ILDR2: variants seen among roughly 807,000 people sequenced by gnomAD.
The protein encoded by ILDR2 is immunoglobulin-like domain-containing receptor 2.
Under a neutral mutation model 66.8 loss-of-function variants are expected in ILDR2, and 25 were observed. The observed-to-expected ratio is 0.37, with a 90% CI of 0.27 to 0.52. The LOEUF is 0.52. Ranked by LOEUF, ILDR2 falls within the 20% of genes least tolerant of loss-of-function variation. The pLI is 0.88. For synonymous variants in ILDR2, 367 were observed against 357.2 expected (o/e 1.03, Z -0.31); for missense variants, 827 against 876.8 (o/e 0.94, Z 0.72).
chr1:166,945,281 G>C (rs1046140806), intron 3 of ILDR2, among the ~76,000 whole-genome samples: 4 of 152,046 alleles, frequency 2.6e-5, no homozygotes, highest in African/African-American at 4.8e-5. Flanking sequence ...ACACCAAAAA[G>C]TTGAATAGAC....
intron 7 of ILDR2, among the ~76,000 whole-genome samples, chr1:166,923,472 C>T (rs559038719): frequency 6.6e-6 from 1 of 152,366 alleles, no homozygotes; most frequent in African/African-American, 2.4e-5. Flanking sequence ...GCTCAAGTAG[C>T]ACCAAGCCTA....
intron 1 of ILDR2, among the ~76,000 whole-genome samples, chr1:166,974,177 C>T (rs1180560238): frequency 6.6e-6 from 1 of 152,160 alleles, no homozygotes; most frequent in African/African-American, 2.4e-5. Flanking sequence ...GCCTTCCACC[C>T]CCATCCTGTC....
rs376701845 is a variant in ILDR2, at chr1:166,901,536, C to G, written n.172-5435G>C. Among the ~76,000 whole-genome samples the G allele has an allele frequency of 6.3e-4, 96 of 152,280 alleles. 2 individuals are homozygous for G. The East Asian group carries it at 0.012, about 19-fold the overall frequency. On this transcript the variant is annotated intron_variant and non_coding_transcript_variant, in intron 2 of 2. Coordinates refer to the ILDR2 transcript ENST00000414590. ...CTCCTCTTCCCTCCCTCATCCTGAA[C>G]CAAGGCTCCTTTTGCCCTCAATGGC... is the stretch of plus-strand genomic sequence containing the variant.
At chr1:166,901,891 G>T (rs1659271408) in intron 2 of ILDR2, among the ~76,000 whole-genome samples, 1 of 152,196 alleles carries the variant, frequency 6.6e-6, no homozygotes, top group Non-Finnish European at 1.5e-5. Context: ...CCTCCTTGGT[G>T]CCAGAGAGAT....
exon 3 of ILDR2, chr1:166,896,078 G>A (rs976937244): frequency 3.9e-5 from 6 of 152,156 alleles, no homozygotes; most frequent in African/African-American, 1.4e-4. Context: ...GGGAGGTGAG[G>A]GTAGCTTCTG....
At chr1:166,963,983 A>T (rs1276471543) in intron 1 of ILDR2, among the ~76,000 whole-genome samples, 1 of 152,170 alleles carries the variant, frequency 6.6e-6, no homozygotes, top group Non-Finnish European at 1.5e-5. Flanking sequence ...TGCAGAAAGA[A>T]CCTGTGCTTC....
chr1:166,896,341 G>T (rs749403069), intron 2 of ILDR2, among the ~76,000 whole-genome samples: 2 of 152,082 alleles, frequency 1.3e-5, no homozygotes, highest in Non-Finnish European at 1.5e-5. Flanking sequence ...GTATGGGATG[G>T]CAGGAGATGG....
At chr1:166,926,834 T>C (rs527577580) in intron 7 of ILDR2, among the ~76,000 whole-genome samples, 184 of 152,088 alleles carry the variant, frequency 1.2e-3, no homozygotes, top group Admixed American at 2.2e-3. Context: ...GACTGCCCCA[T>C]GGAGAAAACC....
chr1:166,942,036 A>G (rs1387376325), intron 3 of ILDR2, among the ~76,000 whole-genome samples: 1 of 152,210 alleles, frequency 6.6e-6, no homozygotes, highest in Non-Finnish European at 1.5e-5. Context: ...TGATTACTAC[A>G]GGCAAATTAC....
chr1:166,896,261 C>T (rs1422692000), intron 2 of ILDR2, among the ~76,000 whole-genome samples: 1 of 152,100 alleles, frequency 6.6e-6, no homozygotes, highest in Non-Finnish European at 1.5e-5. Context: ...ATAGAATGGT[C>T]TATTTGGAGG....
At chr1:166,973,441 C>T (rs1330083392) in intron 1 of ILDR2, among the ~76,000 whole-genome samples, 1 of 152,144 alleles carries the variant, frequency 6.6e-6, no homozygotes, top group African/African-American at 2.4e-5. Context: ...GGCTGAACTA[C>T]AGTTCCTGTA....
chr1:166,935,198 T>C, intron 6 of ILDR2, 103 bp downstream of exon 6: 1 of 1,158,776 alleles, frequency 8.6e-7, no homozygotes, highest in Non-Finnish European at 1.3e-6. Context: ...CAGAGAAAAC[T>C]ATTTTCCAAA....
At chr1:166,943,678 C>T (rs1571159238) in intron 3 of ILDR2, 1 of 251,272 alleles carries the variant, frequency 4.0e-6, no homozygotes, top group East Asian at 1.8e-4. Context: ...GTTAGAAATG[C>T]TTTATCTTTT....
chr1:166,967,640 C>G (rs1272266578), intron 1 of ILDR2, among the ~76,000 whole-genome samples: 1 of 152,070 alleles, frequency 6.6e-6, no homozygotes, highest in Non-Finnish European at 1.5e-5. Flanking sequence ...GCCTGTAGTC[C>G]CAGCTTCTTG....
intron 2 of ILDR2, 128 bp from the exon 3 acceptor site, chr1:166,956,980 G>T (rs1027432224): frequency 1.1e-6 from 1 of 925,570 alleles, no homozygotes; most frequent in Non-Finnish European, 1.6e-6. Context: ...TTATCTGGAT[G>T]GTGGTTGAAA....
intron 2 of ILDR2, among the ~76,000 whole-genome samples, chr1:166,901,731 C>A (rs923210407): frequency 6.6e-6 from 1 of 152,218 alleles, no homozygotes; most frequent in Non-Finnish European, 1.5e-5. Context: ...TATTTTTCTG[C>A]CTTCTTCCCT....
chr1:166,959,010 C>A (rs1426007143), intron 1 of ILDR2, among the ~76,000 whole-genome samples: 1 of 152,224 alleles, frequency 6.6e-6, no homozygotes, highest in African/African-American at 2.4e-5. Context: ...TCTTGAAACA[C>A]CTCTCTTTGA....
chr1:166,932,020 T>C (rs1311713420), intron 6 of ILDR2, among the ~76,000 whole-genome samples: 2 of 152,072 alleles, frequency 1.3e-5, no homozygotes, highest in African/African-American at 4.8e-5. Context: ...TAGATGATGA[T>C]TGAAGCCACA....
rs1210414337 is a variant in ILDR2, at chr1:166,922,871, G to T, written c.995-62C>A. 6.3e-6 allele frequency: 9 copies of T among 1,422,690 alleles called. No homozygotes were observed. The South Asian group carries it at 8.0e-5, about 13-fold the overall frequency. 88.1% of individuals were successfully genotyped at this position (1,422,690 alleles called of 1,614,324 possible). A position where few individuals can be genotyped will look rare whatever the true frequency, so the allele number is the denominator to read the frequency against. On this transcript the variant is annotated intron_variant, in intron 7 of 9. Coordinates refer to ENST00000271417, the MANE Select transcript of ILDR2 (RefSeq NM_199351.3). The stretch of plus-strand genomic sequence containing the variant: ...TGTTACTCTGTTTTAGACAGGAAGA[G>T]AATCCTGTTAAGGGCTGAGACCCTA...
Sources: allele counts gnomAD v4.1 joint callset (sites outside exome capture counted in the v4.1 genomes callset), GRCh38; gene constraint gnomAD v4.1.1; transcripts MANE v1.5; gene names NCBI Gene and HGNC (gene_info 2026-07-23, HGNC 2026-07-21).